AFG1L: variants seen among roughly 807,000 people sequenced by gnomAD.
The protein encoded by AFG1L is AFG1-like ATPase.
A neutral mutation model predicts 62.2 loss-of-function variants in AFG1L; 53 were observed. That is an observed-to-expected ratio of 0.85 (90% CI 0.68 to 1.07). The LOEUF is 1.07. Among genes scored for constraint, AFG1L ranks in the 50% least tolerant of loss-of-function variants. The probability of loss-of-function intolerance (pLI) is 0.00; values close to 1 mark genes in which losing one functional copy is unlikely to be tolerated. For synonymous variants in AFG1L, 228 were observed against 210.3 expected (o/e 1.08, Z -0.73); for missense variants, 555 against 590.5 (o/e 0.94, Z 0.62).
At chr6:108,321,362 T>G (rs1042247313) in intron 1 of AFG1L, among the ~76,000 whole-genome samples, 2 of 152,174 alleles carry the variant, frequency 1.3e-5, no homozygotes, top group Non-Finnish European at 2.9e-5. Flanking sequence ...CGCACCTAGA[T>G]GTGTTCACCA....
At chr6:108,402,992 C>T (rs1031547242) in intron 7 of AFG1L, among the ~76,000 whole-genome samples, 1 of 151,948 alleles carries the variant, frequency 6.6e-6, no homozygotes, top group Non-Finnish European at 1.5e-5. Flanking sequence ...TCCTTTTTTA[C>T]TATTAATTTT....
intron 6 of AFG1L, among the ~76,000 whole-genome samples, chr6:108,383,305 G>A (rs1428266591): frequency 7.9e-5 from 12 of 152,082 alleles, no homozygotes; most frequent in Admixed American, 7.9e-4. Flanking sequence ...ATCTACTAGA[G>A]CAAAGAGAAG....
intron 6 of AFG1L, among the ~76,000 whole-genome samples, chr6:108,374,194 G>A (rs776221547): frequency 1.1e-4 from 16 of 151,756 alleles, no homozygotes; most frequent in Non-Finnish European, 2.1e-4. Flanking sequence ...TTTGTTTTTT[G>A]CTTGTTCAGT....
intron 6 of AFG1L, among the ~76,000 whole-genome samples, chr6:108,371,179 GT>G (rs1779987143): frequency 6.6e-6 from 1 of 151,964 alleles, no homozygotes; most frequent in South Asian, 2.1e-4. Context: ...TTTATTTTTT[GT>G]TTTGTTTTAT....
intron 10 of AFG1L, among the ~76,000 whole-genome samples, chr6:108,491,834 G>A (rs1773788149): frequency 6.6e-6 from 1 of 152,100 alleles, no homozygotes; most frequent in Non-Finnish European, 1.5e-5. Context: ...TCCATGATTT[G>A]GAAAGCAGAA....
chr6:108,396,786 C>G (rs1017715096), intron 6 of AFG1L, among the ~76,000 whole-genome samples: 2 of 151,994 alleles, frequency 1.3e-5, no homozygotes, highest in Non-Finnish European at 2.9e-5. Context: ...CCACTGCACC[C>G]AGGCCATAGT....
At chr6:108,467,906 T>G (rs1772736017) in intron 8 of AFG1L, among the ~76,000 whole-genome samples, 1 of 152,246 alleles carries the variant, frequency 6.6e-6, no homozygotes, top group Non-Finnish European at 1.5e-5. Context: ...TTCCCCAACT[T>G]GCAGCTTTCC....
intron 6 of AFG1L, among the ~76,000 whole-genome samples, chr6:108,401,655 C>A (rs918294004): frequency 6.6e-6 from 1 of 152,026 alleles, no homozygotes; most frequent in African/African-American, 2.4e-5. Context: ...TCTATATATT[C>A]AAGTATTAAA....
intron 8 of AFG1L, among the ~76,000 whole-genome samples, chr6:108,454,314 T>G (rs911563599): frequency 2.6e-5 from 4 of 152,226 alleles, no homozygotes; most frequent in African/African-American, 4.8e-5. Context: ...TGTATCCACA[T>G]GGAGACACTT....
intron 7 of AFG1L, among the ~76,000 whole-genome samples, chr6:108,417,252 A>ACACT (rs1407132823): frequency 1.2e-4 from 12 of 101,938 alleles, no homozygotes. Context: ...ACACACACAC[A>ACACT]CACACACAGA....
chr6:108,295,282 A>C, intron 1 of AFG1L, 64 bp downstream of exon 1: 1 of 1,517,980 alleles, frequency 6.6e-7, no homozygotes, highest in Non-Finnish European at 8.8e-7. Flanking sequence ...CTCTGGGATT[A>C]CCCTCCCTGT....
chr6:108,441,712 A>AAAAAAAAT (rs1401294615), intron 7 of AFG1L, among the ~76,000 whole-genome samples: 254 of 139,466 alleles, frequency 1.8e-3, no homozygotes, highest in African/African-American at 6.9e-3. Flanking sequence ...AAAAAAAAAA[A>AAAAAAAAT]ATATATATAT....
chr6:108,356,030 A>T (rs1779274345), intron 4 of AFG1L, among the ~76,000 whole-genome samples: 1 of 152,222 alleles, frequency 6.6e-6, no homozygotes, highest in Admixed American at 6.5e-5. Context: ...AAAAAATGTT[A>T]AAAATGCACC....
At chr6:108,358,999 T>C (rs182421419) in intron 5 of AFG1L, 7 of 152,384 alleles carry the variant, frequency 4.6e-5, no homozygotes, top group African/African-American at 7.2e-5. Flanking sequence ...GGGCTCATGA[T>C]ACTTTTAGGG....
chr6:108,343,751 A>C (rs925030545), intron 2 of AFG1L, among the ~76,000 whole-genome samples: 5 of 152,224 alleles, frequency 3.3e-5, no homozygotes, highest in Admixed American at 3.3e-4. Context: ...AAGTTTTGGC[A>C]GGAGTAGAAA....
intron 7 of AFG1L, among the ~76,000 whole-genome samples, chr6:108,446,678 T>A (rs948261932): frequency 6.6e-6 from 1 of 152,086 alleles, no homozygotes; most frequent in African/African-American, 2.4e-5. Flanking sequence ...CTAATTTTTG[T>A]ATTTTTTGTA....
At chr6:108,391,071 A>G (rs1043525400) in intron 6 of AFG1L, among the ~76,000 whole-genome samples, 5 of 152,194 alleles carry the variant, frequency 3.3e-5, no homozygotes, top group African/African-American at 1.2e-4. Flanking sequence ...TTGTGCTGCT[A>G]TAAACATGCA....
intron 10 of AFG1L, among the ~76,000 whole-genome samples, chr6:108,489,566 A>G (rs76359180): frequency 0.017 from 2,617 of 152,342 alleles, 39 homozygotes; most frequent in Non-Finnish European, 0.027. Flanking sequence ...TGGACAGAGT[A>G]TGGACTGGAT....
At chr6:108,318,416 C>T in intron 1 of AFG1L, 1 of 248,316 alleles carries the variant, frequency 4.0e-6, no homozygotes, top group Non-Finnish European at 8.1e-6. Flanking sequence ...TAAGTATCAT[C>T]TTTTGTTTTA....
Sources: allele counts gnomAD v4.1 joint callset (sites outside exome capture counted in the v4.1 genomes callset), GRCh38; gene constraint gnomAD v4.1.1; transcripts MANE v1.5; gene names NCBI Gene and HGNC (gene_info 2026-07-23, HGNC 2026-07-21).